HECTD2: variants seen among roughly 807,000 people sequenced by gnomAD.
HECTD2 encodes HECT domain E3 ubiquitin protein ligase 2.
In HECTD2, 35 loss-of-function variants were observed where a neutral mutation model predicts 103.2. The observed-to-expected ratio is 0.34, with a 90% CI of 0.26 to 0.45. The LOEUF is 0.45. HECTD2 is among the 20% of genes least tolerant of loss of function. HECTD2 has a pLI of 1.00. For missense variants in HECTD2, 596 were observed against 937.4 expected (o/e 0.64, Z 4.76); for synonymous variants, 281 against 329.9 (o/e 0.85, Z 1.61).
chr10:91,420,969 G>C (rs1843334778), intron 1 of HECTD2, among the ~76,000 whole-genome samples: 1 of 152,080 alleles, frequency 6.6e-6, no homozygotes, highest in Admixed American at 6.6e-5. Context: ...TTAAATATAA[G>C]GGAACATTAG....
intron 20 of HECTD2, among the ~76,000 whole-genome samples, chr10:91,507,956 G>C (rs1482012715): frequency 7.2e-6 from 1 of 139,194 alleles, no homozygotes; most frequent in African/African-American, 3.4e-5. Context: ...AGAGCCCTCA[G>C]AAATAATGCC....
intron 1 of HECTD2, among the ~76,000 whole-genome samples, chr10:91,414,931 A>G (rs1192591978): frequency 1.3e-5 from 2 of 152,178 alleles, no homozygotes; most frequent in Non-Finnish European, 2.9e-5. Flanking sequence ...AATTTCTGAA[A>G]CAGAGGAACA....
At chr10:91,500,310 A>C (rs747147243) in intron 18 of HECTD2, among the ~76,000 whole-genome samples, 192 bp from the exon 19 acceptor site, 1 of 152,246 alleles carries the variant, frequency 6.6e-6, no homozygotes, top group Non-Finnish European at 1.5e-5. Flanking sequence ...TACAAGATCT[A>C]TAAACTTCGG....
At chr10:91,504,259 A>G (rs1461878324) in intron 20 of HECTD2, among the ~76,000 whole-genome samples, 1 of 152,234 alleles carries the variant, frequency 6.6e-6, no homozygotes, top group Non-Finnish European at 1.5e-5. Context: ...CACCAGCAAC[A>G]GAACAAAGCT....
intron 20 of HECTD2, among the ~76,000 whole-genome samples, chr10:91,505,679 C>A (rs1250573529): frequency 6.6e-6 from 1 of 150,806 alleles, no homozygotes; most frequent in Non-Finnish European, 1.5e-5. Context: ...TAATGGGAGA[C>A]TTTAACACCC....
At chr10:91,430,021 T>C (rs1023830857) in intron 2 of HECTD2, among the ~76,000 whole-genome samples, 10 of 152,224 alleles carry the variant, frequency 6.6e-5, no homozygotes, top group Non-Finnish European at 1.2e-4. Context: ...CATTTAGTGC[T>C]ATAAATTTCC....
intron 1 of HECTD2, among the ~76,000 whole-genome samples, chr10:91,412,736 A>G (rs1842975965): frequency 6.6e-6 from 1 of 151,762 alleles, no homozygotes; most frequent in Admixed American, 6.6e-5. Context: ...TTCAGAGCTA[A>G]TAGCAGTGAA....
intron 14 of HECTD2, 84 bp from the exon 15 acceptor site, chr10:91,496,130 A>G: frequency 1.2e-6 from 1 of 829,662 alleles, no homozygotes; most frequent in Non-Finnish European, 1.8e-6. Context: ...TGAAAGAAGT[A>G]TGCAAAAAAT....
At chr10:91,412,108 A>G (rs1842933890) in intron 1 of HECTD2, among the ~76,000 whole-genome samples, 1 of 152,228 alleles carries the variant, frequency 6.6e-6, no homozygotes, top group Non-Finnish European at 1.5e-5. Flanking sequence ...GTAATTCGGT[A>G]CATATATCAT....
At chr10:91,488,146 A>C (rs1170689885) in intron 11 of HECTD2, 1 of 155,970 alleles carries the variant, frequency 6.4e-6, no homozygotes, top group African/African-American at 2.4e-5. Flanking sequence ...AAACCACTCA[A>C]ACTACTGAAA....
At chr10:91,495,136 T>C (rs1481654971) in intron 14 of HECTD2, among the ~76,000 whole-genome samples, 2 of 151,996 alleles carry the variant, frequency 1.3e-5, no homozygotes, top group Non-Finnish European at 2.9e-5. Context: ...GAAAGCTAAA[T>C]TGATGCTGTA....
intron 5 of HECTD2, among the ~76,000 whole-genome samples, chr10:91,473,616 ACTC>A (rs746977665): frequency 3.9e-5 from 6 of 152,132 alleles, no homozygotes; most frequent in East Asian, 1.9e-4. Flanking sequence ...AGGAAGACCA[ACTC>A]CTCCTCTTCA....
chr10:91,502,532 G>A (rs1281244705), intron 20 of HECTD2, among the ~76,000 whole-genome samples: 1 of 152,080 alleles, frequency 6.6e-6, no homozygotes, highest in African/African-American at 2.4e-5. Context: ...ATCACACATG[G>A]TAAGTGCCCA....
In HECTD2 at chr10:91,498,102, T is replaced by A. The variant is rs761961266; in HGVS notation, c.1681-6T>A. ...GAAAAAATCATTAACAGATTTCTTT[T>A]TATAGGAGTTGGCCCATGGATTAAG... is the stretch of plus-strand genomic sequence containing the variant. On this transcript the variant is annotated splice_polypyrimidine_tract_variant and splice_region_variant and intron_variant, in intron 15 of 20. Coordinates refer to ENST00000298068, the MANE Select transcript of HECTD2 (RefSeq NM_182765.6). The A allele has an allele frequency of 8.8e-6, 14 of 1,599,270 alleles. No individual in the cohort carries two copies. Among genetic ancestry groups the A allele is most frequent in the Non-Finnish European group, 1.2e-5 (14 of 1,166,954 alleles).
intron 2 of HECTD2, among the ~76,000 whole-genome samples, chr10:91,430,890 A>G (rs1007905723): frequency 4.0e-5 from 6 of 151,236 alleles, no homozygotes; most frequent in Non-Finnish European, 7.4e-5. Context: ...TTTAAAGTTA[A>G]TATCATTATG....
At chr10:91,491,090 A>G (rs1846461169) in intron 11 of HECTD2, 110 bp from the exon 12 acceptor site, 4 of 528,026 alleles carry the variant, frequency 7.6e-6, no homozygotes, top group Non-Finnish European at 1.4e-5. Flanking sequence ...AATTGTTTAT[A>G]TAAGAAATGG....
intron 4 of HECTD2, 111 bp from the exon 5 acceptor site, chr10:91,461,981 TTTA>T: frequency 3.8e-6 from 3 of 783,330 alleles, no homozygotes; most frequent in Non-Finnish European, 6.0e-6. Context: ...ACAGTTCTTT[TTTA>T]TTATCAGACT....
upstream of HECTD2, among the ~76,000 whole-genome samples, chr10:91,409,578 A>T (rs1327986337): frequency 6.6e-6 from 1 of 151,980 alleles, no homozygotes; most frequent in Non-Finnish European, 1.5e-5. Flanking sequence ...AGGAATGGAA[A>T]GTGTGGACTG....
chr10:91,416,770 A>G (rs953550009), intron 1 of HECTD2, among the ~76,000 whole-genome samples: 5 of 152,152 alleles, frequency 3.3e-5, no homozygotes, highest in South Asian at 2.1e-4. Flanking sequence ...ACAGCCTTCT[A>G]TATCAAGCCT....
Sources: gnomAD v4.1 joint callset for allele counts (sites outside exome capture counted in the v4.1 genomes callset) on GRCh38, gnomAD v4.1.1 for gene constraint, MANE v1.5 for transcripts, NCBI Gene and HGNC (gene_info 2026-07-23, HGNC 2026-07-21) for gene names.